TIGIT: variants seen among roughly 807,000 people sequenced by gnomAD.
TIGIT encodes T-cell immunoreceptor with Ig and ITIM domains.
In TIGIT, 11 loss-of-function variants were observed where a neutral mutation model predicts 19.6. The ratio of observed to expected loss-of-function variants is 0.56; its 90% confidence interval spans 0.35 to 0.93. The LOEUF (loss-of-function observed/expected upper bound fraction) is 0.93, where lower values mean the gene tolerates loss of function less well. Among genes scored for constraint, TIGIT ranks in the 40% least tolerant of loss-of-function variants. TIGIT has a pLI of 0.01. For missense variants in TIGIT, 295 were observed against 303.9 expected, an observed-to-expected ratio of 0.97 and a Z score of 0.22; for synonymous variants, 130 against 125.5, an observed-to-expected ratio of 1.04 and a Z score of -0.24.
At chr3:114,297,371 TA>T (rs1364852492) in intron 2 of TIGIT, among the ~76,000 whole-genome samples, 1 of 152,208 alleles carries the variant, frequency 6.6e-6, no homozygotes, top group African/African-American at 2.4e-5. Context: ...GCTAGATAGG[TA>T]ATAAGCTTAA....
At chr3:114,306,460 T>G (rs1245423422) in intron 3 of TIGIT, among the ~76,000 whole-genome samples, 2 of 150,632 alleles carry the variant, frequency 1.3e-5, no homozygotes, top group Non-Finnish European at 3.0e-5. Context: ...GCCCATAGAC[T>G]GTGTTATTTA....
chr3:114,295,839 C>T lies in TIGIT; in HGVS notation c.356C>T (p.Thr119Ile). The change falls in exon 2 of 4, where the codon ACT becomes ATT. Residue 119 changes from threonine (T) to isoleucine (I), a missense_variant. Physicochemically the swap from Thr to Ile is moderately conservative, Grantham distance 89 (BLOSUM62 -1). Transcript: ENST00000383671. ...CACACCTACCCTGATGGGACGTACACTGGGAGAATCTTCCTGGAGGTCCTA... is the reference window on the plus strand; with the variant it reads ...CACACCTACCCTGATGGGACGTACATTGGGAGAATCTTCCTGGAGGTCCTA... ...IYHTYPDGTY[T>I]GRIFLEVLES... is the part of the protein sequence containing the mutation. 6.2e-7 allele frequency: 1 copy of T among 1,607,812 alleles called. No individual in the cohort carries two copies.
At position 114,309,051 on chromosome 3, in the gene TIGIT, C is replaced by A. The variant is rs1260398402; in HGVS notation, c.*920C>A. On this transcript the variant is annotated 3_prime_UTR_variant, in exon 4 of 4. Transcript: ENST00000383671. ...AAGCCCCAGGAAACGCACATGCCCA[C>A]ACAGGGAGCCAAGTCGTAGCATTTG... The A allele has an allele frequency of 6.6e-6, 1 of 152,230 alleles. No individual in the cohort carries two copies. The highest frequency in any genetic ancestry group is 1.5e-5 in the Non-Finnish European group (1 of 68,070). The allele number at this position is 152,230 out of a possible 1,614,324, so 9.4% of individuals were successfully genotyped here. A position where few individuals can be genotyped will look rare whatever the true frequency, so the allele number is the denominator to read the frequency against.
intron 2 of TIGIT, among the ~76,000 whole-genome samples, chr3:114,297,846 G>A (rs74812397): frequency 0.02 from 3,101 of 152,228 alleles, 126 homozygotes; most frequent in African/African-American, 0.071. Flanking sequence ...TCCCCACAAA[G>A]CCTGTATGTT....
In TIGIT at chr3:114,299,661, C is replaced by T; in HGVS notation, c.456C>T (p.Val152=). Residue 152 remains valine (V), a synonymous_variant, in exon 3 of 4, where the codon GTC becomes GTT. Transcript: ENST00000383671. ...LLGAMAATLV[V]ICTAVIVVVA... ...GAGCCATGGCCGCGACGCTGGTGGTCATCTGCACAGCAGTCATCGTGGTGG... is the reference window on the plus strand; with the variant it reads ...GAGCCATGGCCGCGACGCTGGTGGTTATCTGCACAGCAGTCATCGTGGTGG... 6.2e-7 allele frequency: 1 copy of T among 1,613,376 alleles called. No homozygotes were observed. The highest frequency in any genetic ancestry group is 8.5e-7 in the Non-Finnish European group (1 of 1,179,976).
rs1483592845 is a variant in TIGIT at position 114,310,051 on chromosome 3, T to G, written c.*1920T>G. ...CAGAGAAGACCATTTCATAGTTGGA[T>G]TCCTGGAGACATGCGCTATCCACCA... On this transcript the variant is annotated 3_prime_UTR_variant, in exon 4 of 4. Transcript: ENST00000383671. The G allele has an allele frequency of 6.6e-6, 1 of 152,200 alleles. No homozygotes were observed. Among genetic ancestry groups the G allele is most frequent in the Non-Finnish European group, 1.5e-5 (1 of 68,038 alleles). 9.4% of individuals were successfully genotyped at this position (152,200 alleles called of 1,614,324 possible). A position where few individuals can be genotyped will look rare whatever the true frequency, so the allele number is the denominator to read the frequency against.
Position 114,299,579 on chromosome 3 carries a change from G to C in TIGIT, c.392-18G>C, listed in dbSNP as rs1560032240. The C allele has an allele frequency of 6.2e-7, 1 of 1,600,608 alleles. No individual in the cohort carries two copies. Among genetic ancestry groups the C allele is most frequent in the Admixed American group, 1.7e-5 (1 of 59,994 alleles). ...CTTCTGGCTTCTGCCACTCATCTCT[G>C]TTTTGTCCTCCCTCTAGTGGCTGAG... On this transcript the variant is annotated intron_variant, in intron 2 of 3. Coordinates refer to ENST00000383671, the MANE Select transcript of TIGIT (RefSeq NM_173799.4).
At chr3:114,306,698 C>T (rs915256884) in intron 3 of TIGIT, among the ~76,000 whole-genome samples, 5 of 152,136 alleles carry the variant, frequency 3.3e-5, no homozygotes, top group Admixed American at 6.5e-5. Flanking sequence ...GTGGGACCAT[C>T]ACAAGGGATG....
In TIGIT at chr3:114,309,302, C is replaced by T. The variant is rs4682159; in HGVS notation, c.*1171C>T. ...TGTGCTGGGGTTGGGGTAACTGAAC[C>T]GCTTATTTCTGTTTAATTGCATTCA... On this transcript the variant is annotated 3_prime_UTR_variant, in exon 4 of 4. Coordinates refer to ENST00000383671, the MANE Select transcript of TIGIT (RefSeq NM_173799.4). The T allele has an allele frequency of 0.94, 143,060 of 152,260 alleles. 67,767 individuals carry two copies. The highest frequency in any genetic ancestry group is 1 in the East Asian group (5,182 of 5,182). 9.4% of individuals were successfully genotyped at this position (152,260 alleles called of 1,614,324 possible).
chr3:114,295,468 G>C, intron 1 of TIGIT, 77 bp from the exon 2 acceptor site: 7 of 1,194,468 alleles, frequency 5.9e-6, no homozygotes, highest in Non-Finnish European at 4.8e-6. Context: ...GGCCTCAAAG[G>C]CCCTTAGAAT....
At chr3:114,294,416 C>T (rs890548854) in intron 1 of TIGIT, among the ~76,000 whole-genome samples, 2 of 152,142 alleles carry the variant, frequency 1.3e-5, no homozygotes, top group Non-Finnish European at 2.9e-5. Flanking sequence ...GGGCAGGAGG[C>T]ATTGCCAGTT....
At chr3:114,302,002 G>A (rs920348761) in intron 3 of TIGIT, among the ~76,000 whole-genome samples, 1 of 152,198 alleles carries the variant, frequency 6.6e-6, no homozygotes, top group Non-Finnish European at 1.5e-5. Context: ...GCAAGGTGCT[G>A]TAACCATTCC....
chr3:114,304,514 C>T (rs191724510), intron 3 of TIGIT, among the ~76,000 whole-genome samples: 6 of 152,296 alleles, frequency 3.9e-5, no homozygotes, highest in East Asian at 1.9e-4. Context: ...CCAATATTGA[C>T]GCATTATCCC....
rs1483695438 is a variant in TIGIT, at chr3:114,309,191, G to C, written c.*1060G>C. ...ATAGGGACTCTTCCTAGGGGAAAAA[G>C]GGGGGCTGGGAGTGATAGAGGGTTT... is the stretch of plus-strand genomic sequence containing the variant. On this transcript the variant is annotated 3_prime_UTR_variant, in exon 4 of 4. Transcript: ENST00000383671. 1 of 152,326 alleles carries C rather than the reference G, an allele frequency of 6.6e-6. No individual in the cohort carries two copies. 9.4% of individuals were successfully genotyped at this position (152,326 alleles called of 1,614,324 possible). A position where few individuals can be genotyped will look rare whatever the true frequency, so the allele number is the denominator to read the frequency against.
Position 114,305,780 on chromosome 3 carries a change from AGATGGATGGATG to A in TIGIT, c.499-2077_499-2066del, listed in dbSNP as rs139399080. Among the ~76,000 whole-genome samples, 1,431 of 143,744 alleles carry A rather than the reference AGATGGATGGATG, an allele frequency of 1.0e-2. 14 individuals are homozygous for A. Among genetic ancestry groups the A allele is most frequent in the African/African-American group, 0.027 (1,039 of 38,866 alleles). The allele number at this position is 143,744 out of a possible 152,430, so 94.3% of individuals were successfully genotyped here. On this transcript the variant is annotated intron_variant, in intron 3 of 3. Coordinates refer to ENST00000383671, the MANE Select transcript of TIGIT (RefSeq NM_173799.4). ...GAGGGACAGAACCAATAGGAGATATAGATGGATGGATGGATGGATGGATGGATGGATGGATGG... is the reference window on the plus strand; with the variant it reads ...GAGGGACAGAACCAATAGGAGATATAGATGGATGGATGGATGGATGGATGG...
intron 1 of TIGIT, among the ~76,000 whole-genome samples, chr3:114,294,808 G>T (rs1416272446): frequency 6.6e-6 from 1 of 152,142 alleles, no homozygotes. Context: ...CTTTCCTGAA[G>T]GTTTTTTCAG....
intron 2 of TIGIT, among the ~76,000 whole-genome samples, chr3:114,298,142 A>G (rs2078467095): frequency 6.6e-6 from 1 of 152,226 alleles, no homozygotes; most frequent in Non-Finnish European, 1.5e-5. Context: ...ACCCTTATAC[A>G]GAGTCTGCCC....
At chr3:114,294,380 G>C (rs2107946285) in intron 1 of TIGIT, among the ~76,000 whole-genome samples, 1 of 152,310 alleles carries the variant, frequency 6.6e-6, no homozygotes, top group Middle Eastern at 3.4e-3. Context: ...GCCAGCACAA[G>C]AAGGAGCAGG....
intron 3 of TIGIT, among the ~76,000 whole-genome samples, chr3:114,304,597 A>G (rs1271194649): frequency 6.6e-6 from 1 of 152,200 alleles, no homozygotes; most frequent in Non-Finnish European, 1.5e-5. Flanking sequence ...ATCTTCTCCC[A>G]GTCCCTGCCA....
Sources: allele counts gnomAD v4.1 joint callset (sites outside exome capture counted in the v4.1 genomes callset), GRCh38; gene constraint gnomAD v4.1.1; transcripts MANE v1.5; gene names NCBI Gene and HGNC (gene_info 2026-07-23, HGNC 2026-07-21).